The following JAKMIP3 variants were observed in gnomAD, a reference collection of about 807,000 sequenced individuals.
The protein encoded by JAKMIP3 is Janus kinase and microtubule interacting protein 3.
A neutral mutation model predicts 118.5 loss-of-function variants in JAKMIP3; 58 were observed. The observed-to-expected ratio is 0.49, with a 90% confidence interval of 0.40 to 0.61. The LOEUF is 0.61. JAKMIP3 is among the 20% of genes least tolerant of loss of function. JAKMIP3 has a pLI of 0.00. For missense variants in JAKMIP3, 950 were observed against 1,109.0 expected (o/e 0.86, Z 2.04); for synonymous variants, 486 against 451.2 (o/e 1.08, Z -0.98).
chr10:132,181,893 A>C (rs1476293865), intron 23 of JAKMIP3, among the ~76,000 whole-genome samples: 1 of 151,946 alleles, frequency 6.6e-6, no homozygotes, highest in African/African-American at 2.4e-5. Context: ...CGATGCTGCC[A>C]TGCCCCAGGG....
intron 1 of JAKMIP3, among the ~76,000 whole-genome samples, chr10:132,104,402 G>C (rs558633864): frequency 6.6e-6 from 1 of 152,208 alleles, no homozygotes; most frequent in Non-Finnish European, 1.5e-5. Context: ...TTCCTAAGAG[G>C]GAAAAGAATT....
intron 2 of JAKMIP3, among the ~76,000 whole-genome samples, chr10:132,108,900 A>ATACGCAAATGTATATATAAAT (rs1323698596): frequency 1.3e-5 from 2 of 149,178 alleles, no homozygotes; most frequent in Non-Finnish European, 1.5e-5. Flanking sequence ...TATAAATTAT[A>ATACGCAAATGTATATATAAAT]TACGCAAATG....
At chr10:132,145,641 T>C in intron 13 of JAKMIP3, 61 bp downstream of exon 13, 1 of 1,417,384 alleles carries the variant, frequency 7.1e-7, no homozygotes, top group African/African-American at 1.4e-5. Flanking sequence ...GGGGTTGCAG[T>C]GGTCCCTGCG....
At chr10:132,062,986 G>A (rs1376005706), upstream of JAKMIP3, among the ~76,000 whole-genome samples, 2 of 152,186 alleles carry the variant, frequency 1.3e-5, no homozygotes, top group South Asian at 2.1e-4. Context: ...GGCAGGGCAG[G>A]TTATTTTTGG....
At chr10:132,139,060 GTGTGTGTGTA>G (rs1459311534) in intron 9 of JAKMIP3, among the ~76,000 whole-genome samples, 1 of 150,558 alleles carries the variant, frequency 6.6e-6, no homozygotes, top group Non-Finnish European at 1.5e-5. Flanking sequence ...GTGTGTGTGT[GTGTGTGTGTA>G]TGTGTATGTG....
At chr10:132,171,493 G>A (rs1389336731) in intron 23 of JAKMIP3, among the ~76,000 whole-genome samples, 1 of 152,156 alleles carries the variant, frequency 6.6e-6, no homozygotes. Flanking sequence ...AGACGTTACT[G>A]TGCTGTCCCA....
At chr10:132,038,790 CAAAAAAA>C (rs58917363) in intron 1 of JAKMIP3, among the ~76,000 whole-genome samples, 6 of 124,758 alleles carry the variant, frequency 4.8e-5, no homozygotes, top group African/African-American at 1.8e-4. Flanking sequence ...GAGACTGTCT[CAAAAAAA>C]AAAAAAAAAA....
chr10:132,092,421 G>C (rs1388217987), intron 1 of JAKMIP3, among the ~76,000 whole-genome samples: 1 of 152,068 alleles, frequency 6.6e-6, no homozygotes, highest in African/African-American at 2.4e-5. Flanking sequence ...ACATTGATTT[G>C]GTCTTTTCAC....
At chr10:132,058,739 G>A (rs1253050193) in intron 1 of JAKMIP3, among the ~76,000 whole-genome samples, 12 of 152,248 alleles carry the variant, frequency 7.9e-5, no homozygotes, top group African/African-American at 2.9e-4. Flanking sequence ...CTTGATGGGT[G>A]CTGCATCCAG....
At chr10:132,037,421 G>A (rs2037547743) in intron 1 of JAKMIP3, among the ~76,000 whole-genome samples, 1 of 152,122 alleles carries the variant, frequency 6.6e-6, no homozygotes, top group African/African-American at 2.4e-5. Flanking sequence ...GGGTGGTGAC[G>A]CGCAGACCTG....
intron 19 of JAKMIP3, among the ~76,000 whole-genome samples, chr10:132,155,172 T>C (rs1589973231): frequency 6.8e-6 from 1 of 146,994 alleles, no homozygotes; most frequent in Admixed American, 6.8e-5. Context: ...GTGGTGGTAG[T>C]GGTGGTGATG....
At chr10:132,110,472 C>T (rs142872668) in intron 2 of JAKMIP3, among the ~76,000 whole-genome samples, 86 of 152,340 alleles carry the variant, frequency 5.6e-4, no homozygotes, top group African/African-American at 1.8e-3. Flanking sequence ...ATTGAACAGC[C>T]GAGGGAGGGG....
intron 1 of JAKMIP3, among the ~76,000 whole-genome samples, chr10:132,098,941 C>G (rs1477257320): frequency 6.6e-6 from 1 of 152,192 alleles, no homozygotes; most frequent in Non-Finnish European, 1.5e-5. Context: ...GGGACCCGAA[C>G]CTTGGACTTC....
chr10:132,134,015 G>A (rs992766091), intron 4 of JAKMIP3, among the ~76,000 whole-genome samples: 4 of 152,198 alleles, frequency 2.6e-5, no homozygotes, highest in African/African-American at 4.8e-5. Flanking sequence ...CCTCCCACCC[G>A]CTTCTCATGT....
In JAKMIP3 at chr10:132,168,739, G is replaced by A. The variant is rs1489451680; in HGVS notation, c.*809G>A. The A allele has an allele frequency of 7.5e-6, 2 of 268,094 alleles. No individual in the cohort carries two copies. The highest frequency in any genetic ancestry group is 1.5e-5 in the Non-Finnish European group (2 of 137,604). The allele number at this position is 268,094 out of a possible 1,614,324, so 16.6% of individuals were successfully genotyped here. ...CGTGGGGAGCGTGGTGACAGGAGGT[G>A]GGACGAGGGGGCGGAGCTGGCTGGA... On this transcript the variant is annotated 3_prime_UTR_variant, in exon 23 of 24. Coordinates refer to ENST00000684848, the MANE Select transcript of JAKMIP3 (RefSeq NM_001323087.2).
chr10:132,132,069 A>G (rs1370090244), intron 3 of JAKMIP3, among the ~76,000 whole-genome samples: 7 of 152,228 alleles, frequency 4.6e-5, no homozygotes. Context: ...CATTCCTGCT[A>G]ACTGACTGTG....
At chr10:132,043,619 A>G (rs1388178331) in intron 1 of JAKMIP3, among the ~76,000 whole-genome samples, 1 of 152,206 alleles carries the variant, frequency 6.6e-6, no homozygotes, top group Non-Finnish European at 1.5e-5. Flanking sequence ...AGAATCCCAC[A>G]GGCGCCTGGG....
chr10:132,092,673 CT>C (rs1208184783), intron 1 of JAKMIP3, among the ~76,000 whole-genome samples: 2 of 152,098 alleles, frequency 1.3e-5, no homozygotes, highest in African/African-American at 2.4e-5. Context: ...TTTGTCTAAT[CT>C]TTTTTTCAAG....
chr10:132,175,443 C>T (rs937692632), intron 23 of JAKMIP3, among the ~76,000 whole-genome samples: 4 of 152,142 alleles, frequency 2.6e-5, no homozygotes, highest in Admixed American at 6.5e-5. Context: ...GGGGTGTCCA[C>T]CTTACTCTGC....
Sources: gnomAD v4.1 joint callset for allele counts (sites outside exome capture counted in the v4.1 genomes callset) on GRCh38, gnomAD v4.1.1 for gene constraint, MANE v1.5 for transcripts, NCBI Gene and HGNC (gene_info 2026-07-23, HGNC 2026-07-21) for gene names.